SENP7: variants seen among roughly 807,000 people sequenced by gnomAD.
SENP7 encodes SUMO specific peptidase 7, also known as sentrin-specific protease 7.
In SENP7, 64 loss-of-function variants were observed where a neutral mutation model predicts 141.2. The observed-to-expected ratio is 0.45, with a 90% confidence interval of 0.37 to 0.56. SENP7 has a LOEUF of 0.56. SENP7 is among the 20% of genes least tolerant of loss of function. The pLI is 0.00. For synonymous variants in SENP7, 382 were observed against 426.4 expected (o/e 0.90, Z 1.28); for missense variants, 1,025 against 1,212.2 (o/e 0.85, Z 2.29).
intron 4 of SENP7, among the ~76,000 whole-genome samples, chr3:101,440,717 GA>G (rs1159771096): frequency 6.7e-6 from 1 of 150,200 alleles, no homozygotes; most frequent in African/African-American, 2.5e-5. Context: ...GACAGCACAA[GA>G]AAAAAAACCA....
chr3:101,425,036 T>C (rs1483988086), intron 4 of SENP7, among the ~76,000 whole-genome samples: 2 of 152,204 alleles, frequency 1.3e-5, no homozygotes, highest in Admixed American at 1.3e-4. Context: ...AAGATGTTCC[T>C]TTCACCTTCT....
intron 14 of SENP7, 134 bp downstream of exon 14, chr3:101,343,552 G>A: frequency 1.4e-6 from 1 of 697,832 alleles, no homozygotes; most frequent in South Asian, 2.7e-5. Context: ...TCCAGCATTG[G>A]CAACGGGAGT....
intron 4 of SENP7, 180 bp downstream of exon 4, chr3:101,458,775 G>T (rs1269485433): frequency 1.1e-5 from 5 of 468,120 alleles, no homozygotes; most frequent in African/African-American, 9.9e-5. Context: ...CAAAAACAAG[G>T]GAGTTAAGAT....
chr3:101,336,665 A>G (rs1013468428), intron 17 of SENP7, among the ~76,000 whole-genome samples: 2 of 152,214 alleles, frequency 1.3e-5, no homozygotes, highest in Admixed American at 6.5e-5. Flanking sequence ...TAAAATAACA[A>G]TAACTCAGCT....
At position 101,330,524 on chromosome 3, in the gene SENP7, A is replaced by G. The variant is rs558466479; in HGVS notation, c.2699-138T>C. 10 of 505,232 alleles carry G rather than the reference A, an allele frequency of 2.0e-5. No homozygotes were observed. In the Admixed American group the frequency reaches 3.5e-4, roughly 17 times the overall value. The allele number at this position is 505,232 out of a possible 1,614,324, so 31.3% of individuals were successfully genotyped here. A position where few individuals can be genotyped will look rare whatever the true frequency, so the allele number is the denominator to read the frequency against. On this transcript the variant is annotated intron_variant, in intron 19 of 23. Coordinates refer to ENST00000394095, the MANE Select transcript of SENP7 (RefSeq NM_020654.5). ...TACTTGAGATTTAATTTTTTTCATG[A>G]TTAATGTTATGAATAAAATTCAATC...
rs1329781487 is a variant in SENP7, at chr3:101,457,781, G to C, written c.284+1174C>G. The C allele has an allele frequency of 9.0e-5, 58 of 644,554 alleles. No homozygotes were observed. The Admixed American group carries it at 1.6e-3, about 18-fold the overall frequency. 39.9% of individuals were successfully genotyped at this position (644,554 alleles called of 1,614,324 possible). A position where few individuals can be genotyped will look rare whatever the true frequency, so the allele number is the denominator to read the frequency against. On this transcript the variant is annotated intron_variant, in intron 4 of 23. Transcript: ENST00000394095. ...CAGAGAACTAGGGTTGGTGCTAAGA[G>C]GGTCCTGGGTGGACCAGCTGAGATT...
At chr3:101,396,067 C>T (rs562354773) in intron 6 of SENP7, among the ~76,000 whole-genome samples, 1 of 152,260 alleles carries the variant, frequency 6.6e-6, no homozygotes, top group South Asian at 2.1e-4. Context: ...AGCAGTATAG[C>T]TAATATCTTA....
intron 17 of SENP7, 91 bp downstream of exon 17, chr3:101,337,418 G>A: frequency 1.1e-6 from 1 of 875,420 alleles, no homozygotes; most frequent in Non-Finnish European, 1.7e-6. Context: ...CTGCCTACTT[G>A]AGGAAATACT....
chr3:101,392,492 A>G (rs1238643107), intron 6 of SENP7, among the ~76,000 whole-genome samples: 2 of 152,222 alleles, frequency 1.3e-5, no homozygotes, highest in Non-Finnish European at 2.9e-5. Flanking sequence ...CATAGAGTTG[A>G]AAGATCTCTA....
At chr3:101,456,474 TAA>T (rs2107862725) in intron 4 of SENP7, among the ~76,000 whole-genome samples, 2 of 152,288 alleles carry the variant, frequency 1.3e-5, no homozygotes, top group East Asian at 3.9e-4. Context: ...ACAATATCAT[TAA>T]GTGTATATTA....
intron 6 of SENP7, 152 bp downstream of exon 6, chr3:101,398,709 A>G: frequency 1.8e-6 from 1 of 567,314 alleles, no homozygotes; most frequent in Non-Finnish European, 3.0e-6. Context: ...GTTGGTTCCA[A>G]TAGCCATTCC....
chr3:101,398,077 AT>A (rs1233426514), intron 6 of SENP7, among the ~76,000 whole-genome samples: 2 of 152,174 alleles, frequency 1.3e-5, no homozygotes, highest in Non-Finnish European at 2.9e-5. Flanking sequence ...ATCTCAAACC[AT>A]TTTTTTAAGG....
In SENP7 at chr3:101,459,029, T is replaced by G. The variant is rs1488871530; in HGVS notation, c.210A>C (p.Lys70Asn). Reference protein sequence around the residue: ...PLQWERSLRNKVISLDHKNKK... With the variant: ...PLQWERSLRNNVISLDHKNKK... The stretch of plus-strand genomic sequence containing the variant: ...TATTTTTATGGTCTAGAGAGATGAC[T>G]TTATTCCTTAGGCTTCTTTCCCACT... The change falls in exon 4 of 24, where the codon AAA becomes AAC. Residue 70 changes from lysine (K) to asparagine (N), a missense_variant. Transcript: ENST00000394095. The G allele has an allele frequency of 1.3e-6, 2 of 1,599,130 alleles. No individual in the cohort carries two copies. The highest frequency in any genetic ancestry group is 1.7e-6 in the Non-Finnish European group (2 of 1,172,568).
At chr3:101,444,901 TA>T (rs1230375090) in intron 4 of SENP7, among the ~76,000 whole-genome samples, 6 of 150,740 alleles carry the variant, frequency 4.0e-5, no homozygotes, top group African/African-American at 1.2e-4. Context: ...ATAATAATAA[TA>T]AATGAATAAA....
At position 101,463,364 on chromosome 3, in the gene SENP7, A is replaced by AATAAATAT. The variant is rs1553744606; in HGVS notation, c.187-4313_187-4312insATATTTAT. On this transcript the variant is annotated intron_variant, in intron 3 of 23. Transcript: ENST00000394095. ...ACCATGTATCATAAATAAATAAATA[A>AATAAATAT]ATATATATATATATATATATATATA... Among the ~76,000 whole-genome samples the AATAAATAT allele has an allele frequency of 1.6e-3, 144 of 89,132 alleles. 1 individual carries two copies. Among genetic ancestry groups the AATAAATAT allele is most frequent in the South Asian group, 4.0e-3 (11 of 2,754 alleles). The allele number at this position is 89,132 out of a possible 152,430, so 58.5% of individuals were successfully genotyped here.
In SENP7 at chr3:101,366,468, T is replaced by A; in HGVS notation, c.1280A>T (p.His427Leu). ...GATCAGTGATTGGTTCCCTTCATTA[T>A]GTCCTCTTAGAATAGGCTTTTCTAT... ...NTIEKPILRG[H>L]NEGNQSLISA... The change falls in exon 9 of 24, where the codon CAT (histidine) becomes CTT (leucine). Residue 427 changes from histidine to leucine, a missense_variant. This residue lies in a region of SENP7 where 496 missense variants were observed against 503.5 expected (regional missense o/e 0.99). Transcript: ENST00000394095. 2 of 1,612,340 alleles carry A rather than the reference T, an allele frequency of 1.2e-6. No individual in the cohort carries two copies. Among genetic ancestry groups the A allele is most frequent in the Non-Finnish European group, 1.7e-6 (2 of 1,179,196 alleles).
At chr3:101,361,925 C>T in intron 10 of SENP7, 64 bp from the exon 11 acceptor site, 1 of 1,467,900 alleles carries the variant, frequency 6.8e-7, no homozygotes, top group East Asian at 2.6e-5. Flanking sequence ...CTGAAAATGA[C>T]TTTCACCATC....
rs148367792 is a variant in SENP7, at chr3:101,481,018, C to T, written c.186+12855G>A. 1.7e-3 allele frequency among the ~76,000 whole-genome samples: 255 copies of T among 148,744 alleles called. 1 individual carries two copies. Among genetic ancestry groups the T allele is most frequent in the Admixed American group, 4.5e-3 (68 of 14,968 alleles). Reference sequence around the variant, plus strand: ...GCAGGAAAAAAGGAACTCACATACACTGTTGGTGGGAATGTAAATTAGTAT... The same window carrying T: ...GCAGGAAAAAAGGAACTCACATACATTGTTGGTGGGAATGTAAATTAGTAT... On this transcript the variant is annotated intron_variant, in intron 3 of 23. Coordinates refer to ENST00000394095, the MANE Select transcript of SENP7 (RefSeq NM_020654.5).
chr3:101,428,794 T>G (rs934478870), intron 4 of SENP7, among the ~76,000 whole-genome samples: 9 of 152,352 alleles, frequency 5.9e-5, no homozygotes. Flanking sequence ...TGATATTGCC[T>G]AGGTTTTCTT....
Sources: gnomAD v4.1 joint callset for allele counts (sites outside exome capture counted in the v4.1 genomes callset) on GRCh38, gnomAD v4.1.1 for gene constraint, gnomAD v4.1.1 regional missense constraint, MANE v1.5 for transcripts, NCBI Gene and HGNC (gene_info 2026-07-23, HGNC 2026-07-21) for gene names.